Variants in ZNF385C observed in about 807,000 individuals in gnomAD.
ZNF385C encodes the protein CTD-2132N18.2.
ZNF385C carries 28 observed loss-of-function variants against 35.4 expected under a neutral mutation model. The ratio of observed to expected loss-of-function variants is 0.79; its 90% CI spans 0.59 to 1.08. The LOEUF is 1.08. ZNF385C is among the 50% of genes least tolerant of loss of function. The probability of loss-of-function intolerance (pLI) is 0.00; values close to 1 mark genes in which losing one functional copy is unlikely to be tolerated. For synonymous variants in ZNF385C, 248 were observed against 248.2 expected (o/e 1.00, Z 0.01); for missense variants, 605 against 595.6 (o/e 1.02, Z -0.16).
At chr17:42,079,139 C>T (rs1555659517) in intron 1 of ZNF385C, among the ~76,000 whole-genome samples, 2 of 147,792 alleles carry the variant, frequency 1.4e-5, no homozygotes, top group Non-Finnish European at 3.0e-5. Context: ...ATTGCTTGAG[C>T]CCAGGAGTTT....
chr17:42,037,642 A>AG, intron 3 of ZNF385C, 95 bp downstream of exon 3: 4 of 1,387,226 alleles, frequency 2.9e-6, no homozygotes, highest in Non-Finnish European at 3.8e-6. Context: ...GCTCCTGGTT[A>AG]GACCCAGCTG....
chr17:42,039,618 A>G, intron 2 of ZNF385C: 3 of 1,163,238 alleles, frequency 2.6e-6, no homozygotes, highest in Non-Finnish European at 3.2e-6. Flanking sequence ...TCAGCAGATC[A>G]TCTTGGGTGC....
intron 1 of ZNF385C, among the ~76,000 whole-genome samples, chr17:42,096,546 G>T (rs2053919686): frequency 6.6e-6 from 1 of 152,154 alleles, no homozygotes; most frequent in African/African-American, 2.4e-5. Flanking sequence ...ATCAGGCCAG[G>T]GCCTGAAGCT....
rs2053272044 is a variant in ZNF385C at position 42,050,986 on chromosome 17, G to C, written c.250+11821C>G. On this transcript the variant is annotated intron_variant, in intron 2 of 8. Transcript: ENST00000692273. This position sits in a 1 kb window ranked among gnomAD's most constrained non-coding sequence, Gnocchi z 5.6. ...AGTGCTTTGGGATCACGAAGGAGCG[G>C]GCGACCAGCTGAAGGTCTGCAGGGC... 6.6e-6 allele frequency among the ~76,000 whole-genome samples: 1 copy of C among 152,178 alleles called. No individual in the cohort carries two copies. Among genetic ancestry groups the C allele is most frequent in the Admixed American group, 6.5e-5 (1 of 15,290 alleles).
At chr17:42,062,607 G>A in intron 2 of ZNF385C, 200 bp downstream of exon 2, 1 of 397,916 alleles carries the variant, frequency 2.5e-6, no homozygotes, top group South Asian at 1.3e-4. Flanking sequence ...ATTCCGAGAG[G>A]TCCTACAGAA....
intron 1 of ZNF385C, among the ~76,000 whole-genome samples, chr17:42,092,916 G>A (rs1050342925): frequency 3.9e-5 from 6 of 152,210 alleles, no homozygotes; most frequent in Middle Eastern, 3.4e-3. Context: ...ATCTGGGAGC[G>A]GGGGGCGGGG....
chr17:42,040,528 TG>T, intron 2 of ZNF385C: 1 of 1,232,716 alleles, frequency 8.1e-7, no homozygotes, highest in Non-Finnish European at 1.0e-6. Flanking sequence ...CAGCAGCAGG[TG>T]GGTGAAGGCC....
chr17:42,078,908 G>A (rs1170092897), intron 1 of ZNF385C, among the ~76,000 whole-genome samples: 2 of 152,112 alleles, frequency 1.3e-5, no homozygotes, highest in Non-Finnish European at 2.9e-5. Flanking sequence ...TTGCAACTTC[G>A]CCACTAATCG....
chr17:42,028,750 T>C (rs1555654623), intron 6 of ZNF385C, 33 bp downstream of exon 6: 1 of 1,533,130 alleles, frequency 6.5e-7, no homozygotes, highest in South Asian at 1.2e-5. Flanking sequence ...TGTCCCACCC[T>C]TTCCCTGGGC....
chr17:42,067,509 G>A (rs1270998387), intron 1 of ZNF385C, among the ~76,000 whole-genome samples: 2 of 152,068 alleles, frequency 1.3e-5, no homozygotes, highest in Non-Finnish European at 2.9e-5. Context: ...TGAAGACTCC[G>A]TACCCCCTGG....
chr17:42,069,255 A>G (rs1389051396), intron 1 of ZNF385C, among the ~76,000 whole-genome samples: 3 of 148,764 alleles, frequency 2.0e-5, no homozygotes, highest in Admixed American at 1.3e-4. Context: ...TGTGTCCATC[A>G]ATGTGGAGCT....
At chr17:42,047,952 CCTTGGGACT>C (rs2053202830) in intron 2 of ZNF385C, among the ~76,000 whole-genome samples, 6 of 152,112 alleles carry the variant, frequency 3.9e-5, no homozygotes, top group Admixed American at 3.9e-4. Context: ...CGTGCCTGGC[CCTTGGGACT>C]CTTGAGTGGC....
rs762827637 is a variant in ZNF385C, at chr17:42,041,124, C to T, written c.251-3239G>A. On this transcript the variant is annotated intron_variant, in intron 2 of 8. Coordinates refer to ENST00000692273, the MANE Select transcript of ZNF385C (RefSeq NM_001392013.1). ...AGTCTCTGGTCTCGTCCAACACCAG[C>T]CCCACATATGGGGATGCCTTCAGGC... is the stretch of plus-strand genomic sequence containing the variant. The T allele has an allele frequency of 3.8e-4, 474 of 1,232,300 alleles. 1 individual carries two copies. Among genetic ancestry groups the T allele is most frequent in the Non-Finnish European group, 3.7e-4 (363 of 988,040 alleles). 76.3% of individuals were successfully genotyped at this position (1,232,300 alleles called of 1,614,324 possible). A position where few individuals can be genotyped will look rare whatever the true frequency, so the allele number is the denominator to read the frequency against.
At chr17:42,069,523 G>A (rs2053594550) in intron 1 of ZNF385C, among the ~76,000 whole-genome samples, 1 of 152,224 alleles carries the variant, frequency 6.6e-6, no homozygotes, top group Admixed American at 6.5e-5. Context: ...TTCTCCTAAA[G>A]AGGTAACCGG....
At chr17:42,044,261 T>C (rs1224048912) in intron 2 of ZNF385C, among the ~76,000 whole-genome samples, 1 of 134,176 alleles carries the variant, frequency 7.5e-6, no homozygotes, top group African/African-American at 2.9e-5. Flanking sequence ...TGAGCCATGA[T>C]GGCGCCACTG....
At chr17:42,028,644 G>A (rs1427257306) in intron 6 of ZNF385C, 139 bp downstream of exon 6, 15 of 1,118,940 alleles carry the variant, frequency 1.3e-5, no homozygotes, top group African/African-American at 3.2e-5. Context: ...AGAAACGTCC[G>A]TTCAGTAACA....
chr17:42,068,661 T>G (rs1455621562), intron 1 of ZNF385C, among the ~76,000 whole-genome samples: 1 of 152,212 alleles, frequency 6.6e-6, no homozygotes, highest in African/African-American at 2.4e-5. Flanking sequence ...AAACAGGATC[T>G]CTCTTAAACT....
rs371640318 is a variant in ZNF385C, at chr17:42,058,622, G to A, written c.250+4185C>T. Among the ~76,000 whole-genome samples, 59 of 152,224 alleles carry A rather than the reference G, an allele frequency of 3.9e-4. 1 individual carries two copies. The South Asian group carries it at 0.012, about 30-fold the overall frequency. On this transcript the variant is annotated intron_variant, in intron 2 of 8. Transcript: ENST00000692273. ...TGAGGGGCCCAACGTGCTCCCCCTC[G>A]CCCTGCCCCCCACCTCAGGGGCAGT...
At chr17:42,058,681 A>G (rs1555657762) in intron 2 of ZNF385C, among the ~76,000 whole-genome samples, 1 of 151,942 alleles carries the variant, frequency 6.6e-6, no homozygotes, top group African/African-American at 2.4e-5. Context: ...ATTTTTTGAG[A>G]TGGAGTCTCT....
Sources: gnomAD v4.1 joint callset for allele counts (sites outside exome capture counted in the v4.1 genomes callset) on GRCh38, gnomAD v4.1.1 for gene constraint, Gnocchi (gnomAD v3.1) non-coding constraint, MANE v1.5 for transcripts, NCBI Gene and HGNC (gene_info 2026-07-23, HGNC 2026-07-21) for gene names.